Variants in FGF14 observed in about 807,000 individuals in gnomAD.
The protein encoded by FGF14 is fibroblast growth factor 14.
In FGF14, 5 loss-of-function variants were observed where a neutral mutation model predicts 25.5. That is an observed-to-expected ratio of 0.20 (90% CI 0.10 to 0.41). The LOEUF (loss-of-function observed/expected upper bound fraction) is 0.41. Ranked by LOEUF, FGF14 falls within the 10% of genes least tolerant of loss-of-function variation. The probability of loss-of-function intolerance (pLI) is 1.00; values close to 1 mark genes in which losing one functional copy is unlikely to be tolerated. For missense variants in FGF14, 222 were observed against 320.1 expected, an observed-to-expected ratio of 0.69 and a Z score of 2.34; for synonymous variants, 138 against 118.3, an observed-to-expected ratio of 1.17 and a Z score of -1.08.
intron 3 of FGF14, among the ~76,000 whole-genome samples, chr13:101,848,751 C>G (rs997082882): frequency 6.6e-6 from 1 of 151,742 alleles, no homozygotes; most frequent in Admixed American, 6.6e-5. Context: ...GTAAACGTGG[C>G]AAAACATTAA....
At chr13:101,741,720 G>C (rs1008455788) in intron 3 of FGF14, among the ~76,000 whole-genome samples, 1 of 150,268 alleles carries the variant, frequency 6.7e-6, no homozygotes, top group African/African-American at 2.4e-5. Context: ...GGCACATTTA[G>C]CTTTCCAAAT....
chr13:102,209,085 C>G (rs892911928), intron 1 of FGF14, among the ~76,000 whole-genome samples: 1 of 152,146 alleles, frequency 6.6e-6, no homozygotes, highest in East Asian at 1.9e-4. Context: ...TGCGAGGACG[C>G]GAGGAAGGCA....
chr13:102,135,514 T>C (rs2046376226), intron 1 of FGF14, among the ~76,000 whole-genome samples: 1 of 152,220 alleles, frequency 6.6e-6, no homozygotes, highest in Non-Finnish European at 1.5e-5. Flanking sequence ...TAATTGGTTG[T>C]TTTTATTACA....
chr13:101,894,516 C>CCA, intron 1 of FGF14, among the ~76,000 whole-genome samples: 1 of 152,272 alleles, frequency 6.6e-6, no homozygotes, highest in East Asian at 1.9e-4. Flanking sequence ...AAGTCCTGCC[C>CCA]CACACCCAGC....
At chr13:102,217,546 C>T (rs2140943931) in intron 1 of FGF14, among the ~76,000 whole-genome samples, 1 of 152,196 alleles carries the variant, frequency 6.6e-6, no homozygotes, top group South Asian at 2.1e-4. Context: ...CATTTCAATG[C>T]TCAAGACATT....
At chr13:101,884,196 C>G (rs1157876932) in intron 1 of FGF14, among the ~76,000 whole-genome samples, 2 of 151,898 alleles carry the variant, frequency 1.3e-5, no homozygotes, top group Non-Finnish European at 2.9e-5. Flanking sequence ...TCTCACGCTG[C>G]CCAGGTACCA....
At chr13:101,808,314 CT>C (rs2041313905) in intron 3 of FGF14, among the ~76,000 whole-genome samples, 1 of 151,942 alleles carries the variant, frequency 6.6e-6, no homozygotes, top group African/African-American at 2.4e-5. Context: ...TCCTTTTCAT[CT>C]TTTCTTTTCT....
chr13:102,338,665 T>A (rs775560844), intron 1 of FGF14, among the ~76,000 whole-genome samples: 1 of 152,094 alleles, frequency 6.6e-6, no homozygotes, highest in Non-Finnish European at 1.5e-5. Flanking sequence ...TCATCAAAGA[T>A]GTGATGTTGT....
chr13:101,873,916 A>T (rs1234972059), intron 2 of FGF14, among the ~76,000 whole-genome samples: 1 of 152,128 alleles, frequency 6.6e-6, no homozygotes, highest in Non-Finnish European at 1.5e-5. Flanking sequence ...TTAAAAATAA[A>T]AAAGAGTGAT....
At position 101,875,221 on chromosome 13, in the gene FGF14, G is replaced by A. The variant is rs1422290980; in HGVS notation, c.269C>T (p.Ala90Val). Residue 90 changes from alanine (A) to valine (V), a missense_variant, in exon 2 of 5, where the codon GCT becomes GTT. Ala to Val is a moderately conservative substitution (Grantham distance 64). Coordinates refer to ENST00000376143, the MANE Select transcript of FGF14 (RefSeq NM_004115.4). Reference sequence around the variant, plus strand: ...GCTGTCATCCTTGGTTCCATCGAGAGCTCCATCGGGGTGCATTTGCAAGTA... The same window carrying A: ...GCTGTCATCCTTGGTTCCATCGAGAACTCCATCGGGGTGCATTTGCAAGTA... ...GYYLQMHPDGALDGTKDDSTN... is the reference protein window; with the variant it reads ...GYYLQMHPDGVLDGTKDDSTN... The A allele has an allele frequency of 6.2e-7, 1 of 1,613,234 alleles. No individual in the cohort carries two copies. The highest frequency in any genetic ancestry group is 1.3e-5 in the African/African-American group (1 of 74,876).
At chr13:102,310,084 A>C (rs1340892971) in intron 1 of FGF14, among the ~76,000 whole-genome samples, 3 of 152,220 alleles carry the variant, frequency 2.0e-5, no homozygotes, top group Non-Finnish European at 4.4e-5. Context: ...ATAAAATGAA[A>C]AGGTTTGCTT....
chr13:101,838,060 G>C (rs567780851), intron 3 of FGF14, among the ~76,000 whole-genome samples: 1 of 152,002 alleles, frequency 6.6e-6, no homozygotes, highest in African/African-American at 2.4e-5. Context: ...TTTGGGATTC[G>C]GACTGGCTTC....
intron 3 of FGF14, among the ~76,000 whole-genome samples, chr13:101,752,981 G>A (rs2037389537): frequency 6.6e-6 from 1 of 152,100 alleles, no homozygotes; most frequent in African/African-American, 2.4e-5. Context: ...TGCTATGACA[G>A]ATATAAAAAG....
intron 1 of FGF14, among the ~76,000 whole-genome samples, chr13:102,182,634 A>G (rs1254612957): frequency 1.3e-5 from 2 of 152,154 alleles, no homozygotes; most frequent in South Asian, 2.1e-4. Flanking sequence ...ATCTTGGCCC[A>G]TAAAGTCTAA....
intron 1 of FGF14, among the ~76,000 whole-genome samples, chr13:101,877,124 G>A (rs575603115): frequency 7.2e-5 from 11 of 151,982 alleles, no homozygotes; most frequent in Non-Finnish European, 1.6e-4. Flanking sequence ...ACTAGATCAG[G>A]CGAGGCAGTG....
At chr13:101,724,127 C>T (rs1210614262) in intron 4 of FGF14, among the ~76,000 whole-genome samples, 1 of 152,042 alleles carries the variant, frequency 6.6e-6, no homozygotes, top group Admixed American at 6.6e-5. Context: ...ACATTCCAAT[C>T]CCTCACTCCT....
At chr13:101,725,019 C>T (rs990240254) in intron 4 of FGF14, among the ~76,000 whole-genome samples, 1 of 151,810 alleles carries the variant, frequency 6.6e-6, no homozygotes. Flanking sequence ...AATTTTACCT[C>T]GGTTAAATGA....
chr13:102,226,967 G>T (rs752790346), intron 1 of FGF14, among the ~76,000 whole-genome samples: 1 of 151,960 alleles, frequency 6.6e-6, no homozygotes, highest in Non-Finnish European at 1.5e-5. Context: ...GGAACATTAA[G>T]ATCATATTTA....
chr13:102,387,265 G>A (rs1453465988), intron 1 of FGF14, among the ~76,000 whole-genome samples: 1 of 152,138 alleles, frequency 6.6e-6, no homozygotes, highest in African/African-American at 2.4e-5. Flanking sequence ...ACATCCAGGA[G>A]CCAGATACTG....
Sources: allele counts gnomAD v4.1 joint callset (sites outside exome capture counted in the v4.1 genomes callset), GRCh38; gene constraint gnomAD v4.1.1; transcripts MANE v1.5; gene names NCBI Gene and HGNC (gene_info 2026-07-23, HGNC 2026-07-21).